FKTN: variants seen among roughly 807,000 people sequenced by gnomAD.
FKTN encodes ribitol-5-phosphate transferase FKTN.
Under a neutral mutation model 58.6 loss-of-function variants are expected in FKTN, and 47 were observed. That is an observed-to-expected ratio of 0.80 (90% CI 0.63 to 1.02). The LOEUF is 1.02. Among genes scored for constraint, FKTN ranks in the 50% least tolerant of loss-of-function variants. The probability of loss-of-function intolerance (pLI) is 0.00; values close to 1 mark genes in which losing one functional copy is unlikely to be tolerated. For missense variants in FKTN, 516 were observed against 537.3 expected, an observed-to-expected ratio of 0.96 and a Z score of 0.39; for synonymous variants, 178 against 191.9, an observed-to-expected ratio of 0.93 and a Z score of 0.60.
At position 105,577,843 on chromosome 9, in the gene FKTN, C is replaced by G. The variant is rs1007860755; in HGVS notation, c.105+2706C>G. ...ATTTGTTTGTATCCTCTTTTATTTC[C>G]TTGAGCAGTGGTTTGTAGTTCTCCT... is the stretch of plus-strand genomic sequence containing the variant. On this transcript the variant is annotated intron_variant, in intron 3 of 10. Coordinates refer to ENST00000357998, the MANE Select transcript of FKTN (RefSeq NM_001079802.2). Among the ~76,000 whole-genome samples, 86 of 149,166 alleles carry G rather than the reference C, an allele frequency of 5.8e-4. 1 individual carries two copies. The highest frequency in any genetic ancestry group is 1.4e-3 in the African/African-American group (57 of 39,914).
chr9:105,633,678 G>T (rs964723632), intron 10 of FKTN, among the ~76,000 whole-genome samples: 2 of 152,224 alleles, frequency 1.3e-5, no homozygotes, highest in African/African-American at 4.8e-5. Flanking sequence ...AGCTGGGATT[G>T]TCCATTAACT....
Position 105,636,531 on chromosome 9 carries a change from T to A in FKTN, c.*1267T>A. ...CCACACACTCTGGAATGCTTTAGTT[T>A]CCTTTTCCCCTCAAGATGTCTGAGT... On this transcript the variant is annotated 3_prime_UTR_variant, in exon 11 of 11. Coordinates refer to ENST00000357998, the MANE Select transcript of FKTN (RefSeq NM_001079802.2). 9.5e-7 allele frequency: 1 copy of A among 1,051,562 alleles called. No individual in the cohort carries two copies. 65.1% of individuals were successfully genotyped at this position (1,051,562 alleles called of 1,614,324 possible).
At chr9:105,629,441 T>C (rs1440934242) in intron 10 of FKTN, among the ~76,000 whole-genome samples, 1 of 152,168 alleles carries the variant, frequency 6.6e-6, no homozygotes, top group African/African-American at 2.4e-5. Context: ...AGTATGAAAA[T>C]TGAAACTATA....
At chr9:105,632,677 A>G (rs1833636594) in intron 10 of FKTN, among the ~76,000 whole-genome samples, 1 of 152,160 alleles carries the variant, frequency 6.6e-6, no homozygotes. Flanking sequence ...TGTGAGGGAA[A>G]AAAATGGTCT....
At position 105,638,421 on chromosome 9, in the gene FKTN, A is replaced by G. The variant is rs963229059; in HGVS notation, c.*3157A>G. ...CTGGAAAATGCCTTCTCTCCAGACA[A>G]TAAGACAGTTCACATCTGGAGACAT... On this transcript the variant is annotated 3_prime_UTR_variant, in exon 11 of 11. Coordinates refer to ENST00000357998, the MANE Select transcript of FKTN (RefSeq NM_001079802.2). 1.2e-5 allele frequency: 12 copies of G among 985,308 alleles called. No homozygotes were observed. Among genetic ancestry groups the G allele is most frequent in the African/African-American group, 1.0e-4 (6 of 57,228 alleles). The allele number at this position is 985,308 out of a possible 1,614,324, so 61.0% of individuals were successfully genotyped here.
intron 7 of FKTN, among the ~76,000 whole-genome samples, chr9:105,613,192 A>G (rs1830235534): frequency 6.6e-6 from 1 of 152,224 alleles, no homozygotes. Flanking sequence ...TCAAGATGTC[A>G]GTTACATGGT....
chr9:105,604,321 C>G lies in FKTN; in HGVS notation c.476C>G (p.Pro159Arg). ...GIDSLSGTEI[P>R]LHYICKLATH... ...GACTCACTCTCTGGAACTGAAATCC[C>G]CCTGCACTATATCTGCAAACTGGCC... The change falls in exon 6 of 11, where the codon CCC becomes CGC. Residue 159 changes from proline (P) to arginine (R), a missense_variant. Physicochemically the swap from Pro to Arg is moderately radical, Grantham distance 103 (BLOSUM62 -2). Coordinates refer to ENST00000357998, the MANE Select transcript of FKTN (RefSeq NM_001079802.2). The G allele has an allele frequency of 6.2e-7, 1 of 1,614,058 alleles. No individual in the cohort carries two copies. The highest frequency in any genetic ancestry group is 1.1e-5 in the South Asian group (1 of 91,060).
intron 1 of FKTN, among the ~76,000 whole-genome samples, chr9:105,569,012 C>G (rs768639931): frequency 6.6e-6 from 1 of 152,040 alleles, no homozygotes; most frequent in Non-Finnish European, 1.5e-5. Flanking sequence ...AGCTGGAAAC[C>G]ATCATTCTCA....
chr9:105,564,929 A>T (rs1839101638), intron 1 of FKTN, among the ~76,000 whole-genome samples: 1 of 152,376 alleles, frequency 6.6e-6, no homozygotes, highest in East Asian at 1.9e-4. Context: ...AGGGAAGCCC[A>T]TCAGACTAAC....
chr9:105,617,513 C>T (rs904427768), intron 8 of FKTN, among the ~76,000 whole-genome samples: 2 of 152,122 alleles, frequency 1.3e-5, no homozygotes, highest in African/African-American at 4.8e-5. Context: ...CCCTCTATCA[C>T]TAGAGATTAA....
At chr9:105,585,033 A>C (rs2132314521) in intron 3 of FKTN, among the ~76,000 whole-genome samples, 1 of 152,276 alleles carries the variant, frequency 6.6e-6, no homozygotes, top group Non-Finnish European at 1.5e-5. Flanking sequence ...GATGCTGATG[A>C]GAGTATAGAT....
chr9:105,597,121 A>G (rs1261461538), intron 4 of FKTN, among the ~76,000 whole-genome samples: 1 of 152,220 alleles, frequency 6.6e-6, no homozygotes, highest in African/African-American at 2.4e-5. Flanking sequence ...TGTTTTAGAA[A>G]TTTCAGAACC....
At chr9:105,578,217 G>A (rs899500955) in intron 3 of FKTN, among the ~76,000 whole-genome samples, 2 of 149,946 alleles carry the variant, frequency 1.3e-5, no homozygotes, top group African/African-American at 4.9e-5. Flanking sequence ...TTGAATAGGA[G>A]TGGTGAGAGA....
intron 3 of FKTN, among the ~76,000 whole-genome samples, chr9:105,581,849 G>T (rs930873784): frequency 5.3e-5 from 8 of 152,344 alleles, no homozygotes; most frequent in Admixed American, 2.0e-4. Context: ...TCCGAGCCAG[G>T]TGTGGGATAT....
intron 10 of FKTN, among the ~76,000 whole-genome samples, chr9:105,625,617 A>C (rs1242851541): frequency 6.6e-6 from 1 of 152,194 alleles, no homozygotes; most frequent in Non-Finnish European, 1.5e-5. Context: ...AAATGGTAAA[A>C]GAACTTAGCA....
chr9:105,588,894 A>G (rs1844366488), intron 3 of FKTN, among the ~76,000 whole-genome samples: 1 of 152,204 alleles, frequency 6.6e-6, no homozygotes, highest in Non-Finnish European at 1.5e-5. Flanking sequence ...GGTTTAGCCA[A>G]TGGGATACGG....
In FKTN at chr9:105,619,975, T is replaced by C. The variant is rs1588221689; in HGVS notation, c.1086T>C (p.Asp362=). 1 of 1,612,704 alleles carries C rather than the reference T, an allele frequency of 6.2e-7. No individual in the cohort carries two copies. The highest frequency in any genetic ancestry group is 8.5e-7 in the Non-Finnish European group (1 of 1,178,930). Residue 362 remains aspartate, a synonymous_variant, in exon 10 of 11, where the codon GAT becomes GAC. Transcript: ENST00000357998. ...SLELSFQGKD[D]VKLDVFFFYE... The stretch of plus-strand genomic sequence containing the variant: ...AACTATCCTTCCAGGGAAAAGATGA[T>C]GTAAAACTTGATGTTTTTTTCTTCT...
intron 1 of FKTN, among the ~76,000 whole-genome samples, chr9:105,560,196 C>T (rs915877795): frequency 5.3e-5 from 8 of 152,158 alleles, no homozygotes; most frequent in Admixed American, 1.3e-4. Flanking sequence ...GATATAACGA[C>T]GAGCAAGGTA....
At chr9:105,564,527 C>T (rs1838990196) in intron 1 of FKTN, among the ~76,000 whole-genome samples, 1 of 152,116 alleles carries the variant, frequency 6.6e-6, no homozygotes, top group Non-Finnish European at 1.5e-5. Context: ...CCGATTTGAT[C>T]AACTGGAAGA....
Sources: allele counts gnomAD v4.1 joint callset (sites outside exome capture counted in the v4.1 genomes callset), GRCh38; gene constraint gnomAD v4.1.1; transcripts MANE v1.5; gene names NCBI Gene and HGNC (gene_info 2026-07-23, HGNC 2026-07-21).